Variants in ROBO1 observed in about 807,000 individuals in gnomAD.
The protein encoded by ROBO1 is roundabout homolog 1.
In ROBO1, 149 loss-of-function variants were observed where a neutral mutation model predicts 195.9. That is an observed-to-expected ratio of 0.76 (90% CI 0.67 to 0.87). The LOEUF (loss-of-function observed/expected upper bound fraction) is 0.87. Ranked by LOEUF, ROBO1 falls within the 40% of genes least tolerant of loss-of-function variation. The pLI is 0.00. For missense variants in ROBO1, 1,933 were observed against 2,068.3 expected, an observed-to-expected ratio of 0.93 and a Z score of 1.27; for synonymous variants, 816 against 733.2, an observed-to-expected ratio of 1.11 and a Z score of -1.82.
At position 79,190,985 on chromosome 3, in the gene ROBO1, G is replaced by C. The variant is rs928138307; in HGVS notation, c.89-65446C>G. Among the ~76,000 whole-genome samples, 17 of 151,528 alleles carry C rather than the reference G, an allele frequency of 1.1e-4. 1 individual carries two copies. In the Admixed American group the frequency reaches 1.1e-3, roughly 10 times the overall value. On this transcript the variant is annotated intron_variant, in intron 2 of 30. Coordinates refer to ENST00000464233, the MANE Select transcript of ROBO1 (RefSeq NM_002941.4). Reference sequence around the variant, plus strand: ...CATTCATTGAGATATTTTTAGGACAGACACATTAGGTCATACAGTGAACTA... The same window carrying C: ...CATTCATTGAGATATTTTTAGGACACACACATTAGGTCATACAGTGAACTA...
chr3:79,173,910 G>A (rs2081216145), intron 2 of ROBO1, among the ~76,000 whole-genome samples: 1 of 152,098 alleles, frequency 6.6e-6, no homozygotes, highest in Non-Finnish European at 1.5e-5. Flanking sequence ...TCTAGCTCAG[G>A]GTTTGTGAAT....
At chr3:79,517,045 T>C (rs1940978455) in intron 2 of ROBO1, among the ~76,000 whole-genome samples, 2 of 152,294 alleles carry the variant, frequency 1.3e-5, no homozygotes, top group South Asian at 4.2e-4. Context: ...TACCCTCTCT[T>C]TTTACCATAC....
At chr3:79,198,415 G>A (rs1188241196) in intron 2 of ROBO1, among the ~76,000 whole-genome samples, 2 of 152,050 alleles carry the variant, frequency 1.3e-5, no homozygotes, top group African/African-American at 4.8e-5. Flanking sequence ...TTTGGTACCA[G>A]TACCATGATG....
chr3:78,613,219 C>T (rs1703921121), intron 28 of ROBO1, among the ~76,000 whole-genome samples: 1 of 152,140 alleles, frequency 6.6e-6, no homozygotes, highest in African/African-American at 2.4e-5. Context: ...CTACACAAGG[C>T]TTTAGGCCAG....
chr3:78,625,800 G>A (rs1291946999), intron 26 of ROBO1, among the ~76,000 whole-genome samples: 3 of 152,102 alleles, frequency 2.0e-5, no homozygotes, highest in African/African-American at 2.4e-5. Context: ...AAAGCAAAAC[G>A]TTATAAGCCA....
intron 3 of ROBO1, among the ~76,000 whole-genome samples, chr3:79,020,086 T>C (rs1447588612): frequency 6.6e-6 from 1 of 152,124 alleles, no homozygotes; most frequent in East Asian, 1.9e-4. Context: ...AACTTCATAC[T>C]CCACACATTA....
At chr3:78,898,731 T>C (rs1358753194) in intron 4 of ROBO1, among the ~76,000 whole-genome samples, 1 of 152,062 alleles carries the variant, frequency 6.6e-6, no homozygotes, top group African/African-American at 2.4e-5. Flanking sequence ...TCTGTATATA[T>C]TTAAATTTGG....
rs142245919 is a variant in ROBO1 at position 79,108,533 on chromosome 3, TTTAA to T, written c.172+16919_172+16922del. 8.1e-3 allele frequency among the ~76,000 whole-genome samples: 1,238 copies of T among 151,946 alleles called. 14 individuals are homozygous for T. Among genetic ancestry groups the T allele is most frequent in the African/African-American group, 0.028 (1,171 of 41,558 alleles). ...CTTTTTAGTGTAAAGACAACCATTA[TTTAA>T]TTGTTGAATACAATTCTGAATATTT... On this transcript the variant is annotated intron_variant, in intron 3 of 30. Coordinates refer to ENST00000464233, the MANE Select transcript of ROBO1 (RefSeq NM_002941.4).
intron 1 of ROBO1, among the ~76,000 whole-genome samples, chr3:79,682,323 G>A (rs750905390): frequency 1.4e-3 from 208 of 151,772 alleles, no homozygotes; most frequent in Non-Finnish European, 2.1e-3. Context: ...CTGTGGCTGC[G>A]TAATATGAAA....
At chr3:79,434,655 C>T (rs151327523) in intron 2 of ROBO1, among the ~76,000 whole-genome samples, 1 of 152,180 alleles carries the variant, frequency 6.6e-6, no homozygotes, top group Admixed American at 6.5e-5. Context: ...GACAGTGTGG[C>T]GATTCCTCAA....
intron 1 of ROBO1, among the ~76,000 whole-genome samples, chr3:79,605,401 T>C (rs911914637): frequency 2.0e-5 from 3 of 151,938 alleles, no homozygotes; most frequent in Non-Finnish European, 2.9e-5. Context: ...CCAGCCTCTA[T>C]CATGAGGTCA....
At chr3:79,311,009 T>A (rs910001024) in intron 2 of ROBO1, among the ~76,000 whole-genome samples, 1 of 152,184 alleles carries the variant, frequency 6.6e-6, no homozygotes, top group Non-Finnish European at 1.5e-5. Context: ...TCAGTATTGA[T>A]TTTCTTTTTT....
intron 3 of ROBO1, among the ~76,000 whole-genome samples, chr3:79,125,036 C>A (rs188222402): frequency 6.6e-6 from 1 of 150,868 alleles, no homozygotes; most frequent in East Asian, 2.0e-4. Context: ...GTTTTGCTTT[C>A]TTTTGTTTTT....
chr3:79,296,101 A>C (rs944175076), intron 2 of ROBO1, among the ~76,000 whole-genome samples: 4 of 152,198 alleles, frequency 2.6e-5, no homozygotes, highest in Non-Finnish European at 5.9e-5. Flanking sequence ...GCTTTCGGGC[A>C]ATCCAGTTGA....
At chr3:79,190,507 AC>A (rs1172528777) in intron 2 of ROBO1, among the ~76,000 whole-genome samples, 1 of 151,432 alleles carries the variant, frequency 6.6e-6, no homozygotes, top group Non-Finnish European at 1.5e-5. Flanking sequence ...AGGGTAGATT[AC>A]TCTTACTCGT....
At chr3:78,849,872 T>A (rs1052490724) in intron 4 of ROBO1, among the ~76,000 whole-genome samples, 3 of 105,140 alleles carry the variant, frequency 2.9e-5, no homozygotes, top group African/African-American at 8.9e-5. Context: ...ACACACACAC[T>A]CTTATAGTCA....
intron 2 of ROBO1, among the ~76,000 whole-genome samples, chr3:79,489,410 C>G (rs1274142935): frequency 6.6e-6 from 1 of 151,990 alleles, no homozygotes; most frequent in Non-Finnish European, 1.5e-5. Context: ...AATCTCAGCA[C>G]TTTGGGAGGC....
At chr3:79,702,701 A>C (rs1030538234) in intron 1 of ROBO1, among the ~76,000 whole-genome samples, 3 of 152,006 alleles carry the variant, frequency 2.0e-5, no homozygotes, top group Non-Finnish European at 4.4e-5. Context: ...CTAGTAAGCA[A>C]CAGAGTCAGA....
chr3:78,841,196 T>A (rs919990639), intron 4 of ROBO1, among the ~76,000 whole-genome samples: 1 of 152,020 alleles, frequency 6.6e-6, no homozygotes, highest in African/African-American at 2.4e-5. Flanking sequence ...GGAATAAGAA[T>A]CATGGATAAA....
Sources: allele counts gnomAD v4.1 joint callset (sites outside exome capture counted in the v4.1 genomes callset), GRCh38; gene constraint gnomAD v4.1.1; transcripts MANE v1.5; gene names NCBI Gene and HGNC (gene_info 2026-07-23, HGNC 2026-07-21).